Variants in PTK2 observed in about 807,000 individuals in gnomAD.
PTK2 encodes focal adhesion kinase 1.
PTK2 carries 45 observed loss-of-function variants against 150.1 expected under a neutral mutation model. That is an observed-to-expected ratio of 0.30 (90% confidence interval 0.24 to 0.38). PTK2 has a LOEUF of 0.38. PTK2 is among the 10% of genes least tolerant of loss of function. PTK2 has a pLI of 1.00. For synonymous variants in PTK2, 432 were observed against 449.2 expected (o/e 0.96, Z 0.48); for missense variants, 919 against 1,307.3 (o/e 0.70, Z 4.58).
At chr8:140,809,818 T>C (rs1411150872) in intron 10 of PTK2, among the ~76,000 whole-genome samples, 1 of 152,162 alleles carries the variant, frequency 6.6e-6, no homozygotes, top group East Asian at 1.9e-4. Flanking sequence ...AAAAGATCTA[T>C]TACTTTTGAA....
intron 2 of PTK2, among the ~76,000 whole-genome samples, chr8:140,924,626 C>T (rs1038675913): frequency 1.3e-5 from 2 of 152,110 alleles, no homozygotes; most frequent in Non-Finnish European, 2.9e-5. Flanking sequence ...CTGGGCACTG[C>T]TTCACTTCCA....
At chr8:140,723,350 C>T (rs923922438) in intron 22 of PTK2, among the ~76,000 whole-genome samples, 1 of 152,194 alleles carries the variant, frequency 6.6e-6, no homozygotes, top group Non-Finnish European at 1.5e-5. Flanking sequence ...CTCACTACTT[C>T]ATTCTCATAC....
At chr8:140,729,463 A>G (rs2100047925) in intron 22 of PTK2, among the ~76,000 whole-genome samples, 1 of 152,180 alleles carries the variant, frequency 6.6e-6, no homozygotes, top group African/African-American at 2.4e-5. Flanking sequence ...AAAATACAAC[A>G]CACTCAAAAT....
At chr8:140,914,112 T>C (rs1048503142) in intron 2 of PTK2, among the ~76,000 whole-genome samples, 2 of 152,174 alleles carry the variant, frequency 1.3e-5, no homozygotes, top group Non-Finnish European at 2.9e-5. Flanking sequence ...TGTATTTTAG[T>C]TTACTTTTCT....
At chr8:140,888,189 C>T (rs1224500171) in intron 3 of PTK2, among the ~76,000 whole-genome samples, 2 of 152,172 alleles carry the variant, frequency 1.3e-5, no homozygotes, top group African/African-American at 2.4e-5. Context: ...CCTGACAATA[C>T]TCTGTATCCA....
intron 20 of PTK2, among the ~76,000 whole-genome samples, chr8:140,742,285 T>C (rs990550255): frequency 6.6e-6 from 1 of 152,218 alleles, no homozygotes; most frequent in Non-Finnish European, 1.5e-5. Context: ...TGTCTACTGA[T>C]TGAAAGACAT....
At chr8:140,695,990 TC>T (rs1157049863) in intron 26 of PTK2, among the ~76,000 whole-genome samples, 4 of 152,178 alleles carry the variant, frequency 2.6e-5, no homozygotes, top group Non-Finnish European at 5.9e-5. Flanking sequence ...TTTTTATTTT[TC>T]ATTTAGATGA....
At chr8:140,723,833 G>A (rs77162746) in intron 22 of PTK2, among the ~76,000 whole-genome samples, 2,614 of 152,270 alleles carry the variant, frequency 0.017, 65 homozygotes, top group African/African-American at 0.058. Context: ...ATCCTGAAGC[G>A]GGGAAAGGAG....
chr8:140,702,646 T>G (rs748698963), exon 25 of PTK2: 1 of 1,614,056 alleles, frequency 6.2e-7, no homozygotes, highest in Non-Finnish European at 8.5e-7. Flanking sequence ...AAGAGATGCC[T>G]GACCTGGATA....
chr8:140,975,607 G>A (rs2100188981), intron 1 of PTK2, among the ~76,000 whole-genome samples: 1 of 152,128 alleles, frequency 6.6e-6, no homozygotes, highest in Non-Finnish European at 1.5e-5. Context: ...GAGGAGAGGG[G>A]GGAGGGGGAA....
chr8:140,699,808 GT>G (rs1012231066), intron 26 of PTK2, among the ~76,000 whole-genome samples: 87 of 147,018 alleles, frequency 5.9e-4, no homozygotes, highest in African/African-American at 1.2e-3. Context: ...ATTATTGCAA[GT>G]TTTTTTTTTT....
At chr8:140,759,978 C>T (rs1218592888) in intron 16 of PTK2, among the ~76,000 whole-genome samples, 1 of 152,106 alleles carries the variant, frequency 6.6e-6, no homozygotes, top group Non-Finnish European at 1.5e-5. Flanking sequence ...AATCCCAGCA[C>T]TTTGGGAGGC....
chr8:140,719,522 C>A (rs866150010), intron 22 of PTK2, among the ~76,000 whole-genome samples: 1 of 152,206 alleles, frequency 6.6e-6, no homozygotes, highest in Non-Finnish European at 1.5e-5. Flanking sequence ...ATCAGAAGAG[C>A]GCTCCCCTCC....
intron 2 of PTK2, among the ~76,000 whole-genome samples, chr8:140,902,924 G>GTTTTTTTTTT (rs61261890): frequency 1.4e-4 from 8 of 58,962 alleles, no homozygotes; most frequent in African/African-American, 2.4e-4. Flanking sequence ...GATGAGAGTT[G>GTTTTTTTTTT]TTTTTTTTTT....
exon 31 of PTK2, chr8:140,664,971 T>C (rs748075410): frequency 6.2e-7 from 1 of 1,613,794 alleles, no homozygotes; most frequent in East Asian, 2.2e-5. Context: ...CAGTGGCCAA[T>C]AATGTCCTCA....
At chr8:140,675,659 G>T in intron 27 of PTK2, 160 bp from the exon 31 acceptor site, 1 of 596,290 alleles carries the variant, frequency 1.7e-6, no homozygotes. Flanking sequence ...AGTTGGGGTG[G>T]GGGATCAGGC....
At chr8:140,792,557 C>T (rs181363365) in intron 13 of PTK2, among the ~76,000 whole-genome samples, 1 of 152,316 alleles carries the variant, frequency 6.6e-6, no homozygotes, top group Non-Finnish European at 1.5e-5. Flanking sequence ...TGGGGAACCC[C>T]AACACAGAAG....
At chr8:140,768,320 T>A (rs2100073567) in intron 14 of PTK2, among the ~76,000 whole-genome samples, 1 of 152,146 alleles carries the variant, frequency 6.6e-6, no homozygotes, top group African/African-American at 2.4e-5. Flanking sequence ...GTAAAATGGG[T>A]TAAGTACACT....
Position 140,840,090 on chromosome 8 carries a change from C to G in PTK2, c.593+6170G>C, listed in dbSNP as rs116699345. Among the ~76,000 whole-genome samples the G allele has an allele frequency of 8.5e-3, 1,301 of 152,274 alleles. 16 individuals are homozygous for G. The highest frequency in any genetic ancestry group is 0.03 in the African/African-American group (1,246 of 41,544). On this transcript the variant is annotated intron_variant, in intron 7 of 31. Coordinates refer to ENST00000522684, the Ensembl canonical transcript of PTK2. The stretch of plus-strand genomic sequence containing the variant: ...AAATGGTTATTTTAAGCAAGGTCTT[C>G]CTCTGTTGCCCAGGCTGGAGTGCAG...
Sources: allele counts gnomAD v4.1 joint callset (sites outside exome capture counted in the v4.1 genomes callset), GRCh38; gene constraint gnomAD v4.1.1; transcripts MANE v1.5; gene names NCBI Gene and HGNC (gene_info 2026-07-23, HGNC 2026-07-21).